AKR1C8: variants seen among roughly 807,000 people sequenced by gnomAD.
The protein encoded by AKR1C8 is aldo-keto reductase family 1 member C-like protein 1.
chr10:5,161,116 A>T, the AKR1C8 span, among the ~76,000 whole-genome samples: 1 of 152,098 alleles, frequency 6.6e-6, no homozygotes, highest in African/African-American at 2.4e-5. Flanking sequence ...TTATGTGTAC[A>T]TATGTGTATG....
At chr10:5,161,773 A>C in the AKR1C8 span, 1 of 534,636 alleles carries the variant, frequency 1.9e-6, no homozygotes, top group African/African-American at 1.9e-5. Flanking sequence ...GAACCCTGGA[A>C]ACCAAGCTAG....
the AKR1C8 span, among the ~76,000 whole-genome samples, chr10:5,139,055 A>G: frequency 1.3e-5 from 2 of 152,314 alleles, no homozygotes; most frequent in South Asian, 2.1e-4. Context: ...CCCATTCACA[A>G]TTGCTTCAAA....
chr10:5,173,340 C>CAA, the AKR1C8 span, among the ~76,000 whole-genome samples: 2 of 152,046 alleles, frequency 1.3e-5, no homozygotes, highest in African/African-American at 4.8e-5. Flanking sequence ...ATGCCTTTAA[C>CAA]CCCAGTCACT....
the AKR1C8 span, among the ~76,000 whole-genome samples, chr10:5,183,570 C>A: frequency 1.3e-5 from 2 of 152,146 alleles, no homozygotes; most frequent in South Asian, 2.1e-4. Context: ...ATTAAACCAA[C>A]CCCAGGAAGA....
At chr10:5,175,385 T>C in the AKR1C8 span, among the ~76,000 whole-genome samples, 13 of 152,164 alleles carry the variant, frequency 8.5e-5, no homozygotes, top group African/African-American at 3.1e-4. Context: ...TTGTTGGACA[T>C]TTGGGTTAGT....
the AKR1C8 span, among the ~76,000 whole-genome samples, chr10:5,122,817 T>C: frequency 1.3e-5 from 2 of 152,122 alleles, no homozygotes; most frequent in African/African-American, 4.8e-5. Context: ...ATTATGGTGT[T>C]CTACACATAG....
the AKR1C8 span, among the ~76,000 whole-genome samples, chr10:5,133,478 A>G: frequency 2.0e-5 from 3 of 152,178 alleles, no homozygotes; most frequent in Non-Finnish European, 4.4e-5. Context: ...GCAAGTTCCT[A>G]TGATTCCTCT....
chr10:5,154,314 GT>G, the AKR1C8 span: 1 of 370,514 alleles, frequency 2.7e-6, no homozygotes, highest in Non-Finnish European at 5.7e-6. Flanking sequence ...GGCACACATG[GT>G]TTAATCTATG....
At chr10:5,138,026 C>A in the AKR1C8 span, among the ~76,000 whole-genome samples, 300 of 151,826 alleles carry the variant, frequency 2.0e-3, 1 homozygote, top group Non-Finnish European at 3.7e-3. Flanking sequence ...CAACAAAGAT[C>A]ATAAGGCAAA....
the AKR1C8 span, among the ~76,000 whole-genome samples, chr10:5,120,465 G>A: frequency 6.6e-6 from 1 of 152,060 alleles, no homozygotes; most frequent in Non-Finnish European, 1.5e-5. Context: ...AGTAATAGTA[G>A]TATTATTTGT....
At chr10:5,184,616 C>T in the AKR1C8 span, among the ~76,000 whole-genome samples, 1 of 152,118 alleles carries the variant, frequency 6.6e-6, no homozygotes, top group Non-Finnish European at 1.5e-5. Context: ...AAGATGAGAA[C>T]AGTCTGAGCT....
At chr10:5,132,848 A>G in the AKR1C8 span, 5 of 595,730 alleles carry the variant, frequency 8.4e-6, no homozygotes, top group Admixed American at 9.7e-5. Flanking sequence ...GACCCTCACA[A>G]AAATCACATT....
At chr10:5,171,102 T>C in the AKR1C8 span, among the ~76,000 whole-genome samples, 1 of 152,058 alleles carries the variant, frequency 6.6e-6, no homozygotes, top group Non-Finnish European at 1.5e-5. Context: ...CTGTTTGATA[T>C]TAATTAACAT....
At chr10:5,136,058 A>T in the AKR1C8 span, among the ~76,000 whole-genome samples, 1 of 152,186 alleles carries the variant, frequency 6.6e-6, no homozygotes, top group Non-Finnish European at 1.5e-5. Flanking sequence ...ACAGTGCCTT[A>T]TAGTATTTGT....
At chr10:5,141,967 G>C in the AKR1C8 span, among the ~76,000 whole-genome samples, 2 of 152,068 alleles carry the variant, frequency 1.3e-5, no homozygotes, top group Non-Finnish European at 2.9e-5. Context: ...GAAAGTCCTA[G>C]ATGGCACCTT....
At chr10:5,136,001 T>A in the AKR1C8 span, among the ~76,000 whole-genome samples, 2 of 152,244 alleles carry the variant, frequency 1.3e-5, no homozygotes, top group Admixed American at 1.3e-4. Flanking sequence ...TTTATTGGAG[T>A]ATTAATTAAC....
chr10:5,130,907 A>C, the AKR1C8 span, among the ~76,000 whole-genome samples: 1 of 152,106 alleles, frequency 6.6e-6, no homozygotes, highest in African/African-American at 2.4e-5. Context: ...AGCAAAAAGA[A>C]GAAATCTGGA....
chr10:5,121,098 T>C, the AKR1C8 span, among the ~76,000 whole-genome samples: 4 of 152,174 alleles, frequency 2.6e-5, no homozygotes, highest in African/African-American at 9.6e-5. Context: ...GATTTTTGCA[T>C]ATAAAATCTC....
At chr10:5,125,335 A>G in the AKR1C8 span, among the ~76,000 whole-genome samples, 11 of 152,276 alleles carry the variant, frequency 7.2e-5, no homozygotes, top group African/African-American at 2.4e-4. Flanking sequence ...TAACAGTTGT[A>G]CTGTTACTGG....
Sources: gnomAD v4.1 joint callset for allele counts (sites outside exome capture counted in the v4.1 genomes callset) on GRCh38, gnomAD v4.1.1 for gene constraint, MANE v1.5 for transcripts, NCBI Gene and HGNC (gene_info 2026-07-23, HGNC 2026-07-21) for gene names.